Variants in MEIKIN observed in about 807,000 individuals in gnomAD.
MEIKIN encodes the protein meiotic kinetochore factor.
At chr5:131,832,166 G>C (rs1017900851) in intron 11 of MEIKIN, among the ~76,000 whole-genome samples, 14 of 152,082 alleles carry the variant, frequency 9.2e-5, no homozygotes, top group African/African-American at 2.9e-4. Flanking sequence ...AAAATCAAAA[G>C]AAACTAGTTA....
chr5:131,863,452 G>A (rs1393686972), intron 9 of MEIKIN, among the ~76,000 whole-genome samples: 2 of 149,694 alleles, frequency 1.3e-5, no homozygotes, highest in African/African-American at 4.9e-5. Flanking sequence ...AGCAATATTT[G>A]CTTTATACAT....
chr5:131,916,247 C>A (rs941490985), intron 7 of MEIKIN, among the ~76,000 whole-genome samples: 6 of 152,186 alleles, frequency 3.9e-5, no homozygotes, highest in Non-Finnish European at 7.3e-5. Context: ...TTACAATTGT[C>A]ACTGTCATTT....
chr5:131,902,901 G>A (rs1188382184), intron 8 of MEIKIN, among the ~76,000 whole-genome samples: 1 of 152,036 alleles, frequency 6.6e-6, no homozygotes, highest in Non-Finnish European at 1.5e-5. Context: ...GGAATCTAAG[G>A]ATTACAATAA....
chr5:131,811,517 G>A (rs1188862942), intron 12 of MEIKIN, among the ~76,000 whole-genome samples: 2 of 151,928 alleles, frequency 1.3e-5, no homozygotes, highest in South Asian at 4.2e-4. Context: ...ATGTTGGCTA[G>A]GCTGTTCTCG....
At chr5:131,922,007 C>A in intron 5 of MEIKIN, 66 bp from the exon 6 acceptor site, 1 of 397,586 alleles carries the variant, frequency 2.5e-6, no homozygotes, top group South Asian at 1.3e-4. Flanking sequence ...GGGTTACTCC[C>A]TACCCCACCT....
rs181469945 is a variant in MEIKIN at position 131,885,156 on chromosome 5, T to C, written c.704-6108A>G. Among the ~76,000 whole-genome samples, 57 of 152,226 alleles carry C rather than the reference T, an allele frequency of 3.7e-4. 1 individual carries two copies. The East Asian group carries it at 8.5e-3, about 23-fold the overall frequency. ...CTTAGTTGGCTTCATCACCTGTTGT[T>C]TGCAGAGCCTTAGGGCCTTGAGAAA... On this transcript the variant is annotated intron_variant, in intron 8 of 12. Transcript: ENST00000442687.
chr5:131,866,966 T>TA, intron 9 of MEIKIN, among the ~76,000 whole-genome samples: 1 of 152,284 alleles, frequency 6.6e-6, no homozygotes, highest in East Asian at 1.9e-4. Flanking sequence ...AATGATACAG[T>TA]ATATCTCATC....
intron 11 of MEIKIN, among the ~76,000 whole-genome samples, chr5:131,840,887 A>G (rs1473874540): frequency 1.3e-5 from 2 of 152,128 alleles, no homozygotes; most frequent in Admixed American, 1.3e-4. Flanking sequence ...TGCTTTGTGG[A>G]GAGGTAGTGC....
intron 8 of MEIKIN, among the ~76,000 whole-genome samples, chr5:131,893,154 G>C (rs180707902): frequency 1.3e-5 from 2 of 149,328 alleles, no homozygotes; most frequent in East Asian, 2.0e-4. Flanking sequence ...AGAGGTTACT[G>C]CTGCGTTTTG....
Position 131,908,189 on chromosome 5 carries a change from A to C in MEIKIN, c.703+3626T>G, listed in dbSNP as rs372898246. Among the ~76,000 whole-genome samples, 13 of 152,318 alleles carry C rather than the reference A, an allele frequency of 8.5e-5. No individual in the cohort carries two copies. In the East Asian group the frequency reaches 1.2e-3, roughly 14 times the overall value. On this transcript the variant is annotated intron_variant, in intron 8 of 12. Transcript: ENST00000442687. Reference sequence around the variant, plus strand: ...ATACTGATGTAAAAATCCTCAACAAAATAGCAAACTGAATTCAACAACATA... The same window carrying C: ...ATACTGATGTAAAAATCCTCAACAACATAGCAAACTGAATTCAACAACATA...
At chr5:131,905,070 G>A (rs1451179957) in intron 8 of MEIKIN, among the ~76,000 whole-genome samples, 2 of 152,024 alleles carry the variant, frequency 1.3e-5, no homozygotes, top group Non-Finnish European at 2.9e-5. Flanking sequence ...ACCACCACGT[G>A]TATACCTATG....
chr5:131,882,970 A>G (rs1750723043), intron 8 of MEIKIN, among the ~76,000 whole-genome samples: 1 of 152,230 alleles, frequency 6.6e-6, no homozygotes, highest in African/African-American at 2.4e-5. Flanking sequence ...TAGCATGCCT[A>G]GTTACACCTC....
intron 11 of MEIKIN, among the ~76,000 whole-genome samples, chr5:131,831,998 C>G (rs1749723369): frequency 6.6e-6 from 1 of 152,100 alleles, no homozygotes; most frequent in Admixed American, 6.6e-5. Context: ...CAAACCATAT[C>G]ATTCCACCCC....
intron 5 of MEIKIN, among the ~76,000 whole-genome samples, chr5:131,930,899 T>C (rs1197363568): frequency 2.0e-5 from 3 of 152,222 alleles, no homozygotes; most frequent in Non-Finnish European, 1.5e-5. Context: ...GTTCTCAACT[T>C]GTTGAGCATC....
intron 8 of MEIKIN, among the ~76,000 whole-genome samples, chr5:131,910,785 G>A (rs1751323031): frequency 6.6e-6 from 1 of 151,892 alleles, no homozygotes; most frequent in Non-Finnish European, 1.5e-5. Context: ...TCTAGAGTAA[G>A]TGGCTTATTT....
chr5:131,838,787 T>C (rs1418244003), intron 11 of MEIKIN, among the ~76,000 whole-genome samples: 1 of 152,058 alleles, frequency 6.6e-6, no homozygotes, highest in African/African-American at 2.4e-5. Context: ...TTGTATTTTT[T>C]TTTTCCAAAA....
chr5:131,887,920 T>C (rs1271649297), intron 8 of MEIKIN, among the ~76,000 whole-genome samples: 1 of 130,656 alleles, frequency 7.7e-6, no homozygotes, highest in Non-Finnish European at 1.6e-5. Flanking sequence ...CCATGTGTTC[T>C]CACTGTTCAA....
intron 11 of MEIKIN, among the ~76,000 whole-genome samples, chr5:131,844,422 C>T (rs1296190874): frequency 1.3e-5 from 2 of 152,312 alleles, no homozygotes; most frequent in African/African-American, 4.8e-5. Flanking sequence ...CCCCAACTTA[C>T]TGCCTTGAGA....
intron 9 of MEIKIN, among the ~76,000 whole-genome samples, chr5:131,871,627 G>C (rs960743419): frequency 1.3e-5 from 2 of 152,216 alleles, no homozygotes; most frequent in African/African-American, 4.8e-5. Context: ...AAATGTCCCT[G>C]TCTGACAGCT....
Sources: gnomAD v4.1 joint callset for allele counts (sites outside exome capture counted in the v4.1 genomes callset) on GRCh38, gnomAD v4.1.1 for gene constraint, MANE v1.5 for transcripts, NCBI Gene and HGNC (gene_info 2026-07-23, HGNC 2026-07-21) for gene names.